LYST: variants seen among roughly 807,000 people sequenced by gnomAD.
The protein encoded by LYST is lysosomal-trafficking regulator.
LYST carries 192 observed loss-of-function variants against 413.6 expected under a neutral mutation model. The ratio of observed to expected loss-of-function variants is 0.46; its 90% CI spans 0.41 to 0.52. LYST has a LOEUF of 0.52. LYST is among the 20% of genes least tolerant of loss of function. LYST has a pLI of 0.00. For synonymous variants in LYST, 1,525 were observed against 1,567.3 expected (o/e 0.97, Z 0.64); for missense variants, 3,815 against 4,499.9 (o/e 0.85, Z 4.35).
Position 235,802,990 on chromosome 1 carries a change from A to G in LYST, c.3630T>C (p.Cys1210=), listed in dbSNP as rs763872685. The change falls in exon 8 of 53, where the codon TGT becomes TGC. Residue 1210 remains cysteine (C), a synonymous_variant. Transcript: ENST00000389793. ...CTTCTTCAACTAAAAGTTTAAAACT[A>G]CAACACTGAGAATCCTCAGCTTCTT... ...FSEEAEDSQC[C]SFKLLVEEEG... is the part of the protein sequence containing the mutation. 1.3e-5 allele frequency: 21 copies of G among 1,613,424 alleles called. No homozygotes were observed. Among genetic ancestry groups the G allele is most frequent in the Admixed American group, 3.3e-5 (2 of 60,022 alleles).
chr1:235,859,671 G>A (rs917628714), intron 1 of LYST, among the ~76,000 whole-genome samples: 1 of 152,012 alleles, frequency 6.6e-6, no homozygotes, highest in African/African-American at 2.4e-5. Context: ...TTCACCCTCA[G>A]ACAATCTAGA....
rs1288842414 is a variant in LYST, at chr1:235,806,075, T to G, written c.3061A>C (p.Asn1021His). 25 of 1,613,660 alleles carry G rather than the reference T, an allele frequency of 1.5e-5. No individual in the cohort carries two copies. The highest frequency in any genetic ancestry group is 1.9e-5 in the Non-Finnish European group (23 of 1,179,844). Residue 1021 changes from asparagine to histidine, a missense_variant, in exon 6 of 53, where the codon AAC (asparagine) becomes CAC (histidine). Transcript: ENST00000389793. Reference protein sequence around the residue: ...KKEGDTSVNENQDLNRISQPK... With the variant: ...KKEGDTSVNEHQDLNRISQPK... ...TGAGAAATTCTGTTTAAATCCTGGT[T>G]TTCATTTACACTTGTATCTCCCTCC... is the stretch of plus-strand genomic sequence containing the variant.
chr1:235,663,678 A>G (rs1000576502), intron 52 of LYST, among the ~76,000 whole-genome samples: 3 of 152,198 alleles, frequency 2.0e-5, no homozygotes, highest in African/African-American at 7.2e-5. Flanking sequence ...TGCAGCTATC[A>G]ATCACCATTA....
At position 235,830,442 on chromosome 1, in the gene LYST, C is replaced by CA. The variant is rs766869010; in HGVS notation, c.-7-19dup. The CA allele has an allele frequency of 0.018, 23,602 of 1,296,156 alleles. 26 individuals carry two copies. Among genetic ancestry groups the CA allele is most frequent in the Non-Finnish European group, 0.021 (20,017 of 957,240 alleles). 80.3% of individuals were successfully genotyped at this position (1,296,156 alleles called of 1,614,324 possible). A position where few individuals can be genotyped will look rare whatever the true frequency, so the allele number is the denominator to read the frequency against. On this transcript the variant is annotated intron_variant, in intron 2 of 52. Coordinates refer to ENST00000389793, the MANE Select transcript of LYST (RefSeq NM_000081.4). ...TGACCGAGCTATAAAATAAGTATTA[C>CA]AAAAAAAAAAGATTAGGAAAACAAA...
chr1:235,691,697 C>CT (rs774558822), intron 47 of LYST, among the ~76,000 whole-genome samples: 2 of 138,210 alleles, frequency 1.4e-5, no homozygotes, highest in Non-Finnish European at 3.1e-5. Flanking sequence ...ATCAGATTCT[C>CT]TCTTTTTTTT....
At chr1:235,786,181 G>GT (rs1670391857) in intron 14 of LYST, among the ~76,000 whole-genome samples, 2 of 152,134 alleles carry the variant, frequency 1.3e-5, no homozygotes, top group African/African-American at 4.8e-5. Context: ...AAATTTCTGG[G>GT]TATCTGCATG....
chr1:235,721,041 T>C (rs1663318527), intron 39 of LYST, 136 bp from the exon 40 acceptor site: 1 of 802,874 alleles, frequency 1.2e-6, no homozygotes, highest in East Asian at 2.6e-5. Context: ...CTCAGTAACA[T>C]TAATGGGTAG....
At chr1:235,873,571 T>C (rs1278036027) in intron 1 of LYST, among the ~76,000 whole-genome samples, 1 of 152,214 alleles carries the variant, frequency 6.6e-6, no homozygotes, top group African/African-American at 2.4e-5. Flanking sequence ...GTTGTGGTTA[T>C]TATTGCATTA....
rs35413645 is a variant in LYST, at chr1:235,777,232, C to A, written c.5291G>T (p.Gly1764Val). ...TTGAGAGAGTTGGGTTTTCATTTGA[C>A]CTTTAAGTCTAATCACTGGTTCATA... The part of the protein sequence containing the change: ...TIYEPVIRLK[G>V]QMKTQLSQRP... The change falls in exon 17 of 53, where the codon GGT becomes GTT. Residue 1764 changes from glycine (G) to valine (V), a missense_variant. Coordinates refer to ENST00000389793, the MANE Select transcript of LYST (RefSeq NM_000081.4). 5 of 1,613,402 alleles carry A rather than the reference C, an allele frequency of 3.1e-6. No homozygotes were observed. The highest frequency in any genetic ancestry group is 2.2e-5 in the South Asian group (2 of 91,072).
At chr1:235,746,585 C>T (rs1174068695) in intron 28 of LYST, 58 bp from the exon 29 acceptor site, 1 of 1,348,778 alleles carries the variant, frequency 7.4e-7, no homozygotes, top group African/African-American at 1.4e-5. Context: ...ATCAAGGAAA[C>T]TATTTTTGCT....
chr1:235,881,629 G>A (rs188319753), intron 1 of LYST, among the ~76,000 whole-genome samples: 15 of 152,256 alleles, frequency 9.9e-5, no homozygotes, highest in African/African-American at 3.6e-4. Flanking sequence ...CACTGTGTGT[G>A]TGTATATATA....
rs565168650 is a variant in LYST at position 235,773,662 on chromosome 1, A to T, written c.5784+180T>A. Among the ~76,000 whole-genome samples, 3 of 152,332 alleles carry T rather than the reference A, an allele frequency of 2.0e-5. No individual in the cohort carries two copies. The East Asian group carries it at 5.8e-4, about 29-fold the overall frequency. On this transcript the variant is annotated intron_variant, in intron 19 of 52. Transcript: ENST00000389793. ...GGGAGAACATTTGTTTAAAGGGTAC[A>T]AAGTTTTGGTTTTACAAAACAAAAA...
intron 1 of LYST, among the ~76,000 whole-genome samples, chr1:235,879,896 C>T (rs1681305198): frequency 6.6e-6 from 1 of 152,160 alleles, no homozygotes; most frequent in African/African-American, 2.4e-5. Flanking sequence ...GCCACCACGC[C>T]CAGCTAATTT....
chr1:235,844,037 T>C (rs947177045), intron 1 of LYST, among the ~76,000 whole-genome samples: 1 of 152,206 alleles, frequency 6.6e-6, no homozygotes, highest in Non-Finnish European at 1.5e-5. Flanking sequence ...TTTTAAGAAT[T>C]AGGCAAAATA....
At chr1:235,728,180 AC>A (rs750321102) in intron 37 of LYST, 49 bp from the exon 38 acceptor site, 266 of 1,330,788 alleles carry the variant, frequency 2.0e-4, no homozygotes, top group Middle Eastern at 5.5e-4. Context: ...TGTGCACACT[AC>A]CATTCATGGT....
chr1:235,736,583 T>C (rs1664840011), intron 31 of LYST: 2 of 152,092 alleles, frequency 1.3e-5, no homozygotes, highest in South Asian at 4.1e-4. Context: ...AGAATCAAGT[T>C]GTAATGGCAA....
intron 31 of LYST, chr1:235,736,265 G>C (rs945524790): frequency 6.6e-6 from 1 of 152,034 alleles, no homozygotes; most frequent in African/African-American, 2.4e-5. Flanking sequence ...TGAATCCTTA[G>C]AAAATAATAA....
rs752446158 is a variant in LYST, at chr1:235,766,287, T to TA, written c.5923-11dup. On this transcript the variant is annotated splice_polypyrimidine_tract_variant and intron_variant, in intron 20 of 52. Coordinates refer to ENST00000389793, the MANE Select transcript of LYST (RefSeq NM_000081.4). ...GCCCCTCTTTGTATTCCTGAAAAAA[T>TA]AAAAAAAACTCTCTTTAGATTTAAA... is the stretch of plus-strand genomic sequence containing the variant. The TA allele has an allele frequency of 1.5e-4, 236 of 1,573,918 alleles. No individual in the cohort carries two copies. The highest frequency in any genetic ancestry group is 1.0e-3 in the East Asian group (45 of 44,674).
chr1:235,801,666 C>A (rs10926723), intron 8 of LYST, among the ~76,000 whole-genome samples: 1 of 152,062 alleles, frequency 6.6e-6, no homozygotes, highest in Non-Finnish European at 1.5e-5. Flanking sequence ...GATCAGAATT[C>A]TTTAAGTTGA....
Sources: gnomAD v4.1 joint callset for allele counts (sites outside exome capture counted in the v4.1 genomes callset) on GRCh38, gnomAD v4.1.1 for gene constraint, MANE v1.5 for transcripts, NCBI Gene and HGNC (gene_info 2026-07-23, HGNC 2026-07-21) for gene names.